The following ANKRD6 variants were observed in gnomAD, a reference collection of about 807,000 sequenced individuals.
The protein encoded by ANKRD6 is ankyrin repeat domain-containing protein 6.
A neutral mutation model predicts 82.3 loss-of-function variants in ANKRD6; 56 were observed. The observed-to-expected ratio is 0.68, with a 90% confidence interval of 0.55 to 0.85. The LOEUF is 0.85. Ranked by LOEUF, ANKRD6 falls within the 40% of genes least tolerant of loss-of-function variation. ANKRD6 has a pLI of 0.00. For missense variants in ANKRD6, 852 were observed against 907.6 expected (o/e 0.94, Z 0.79); for synonymous variants, 347 against 352.1 (o/e 0.99, Z 0.16).
At chr6:89,511,564 A>C (rs1429841952) in intron 1 of ANKRD6, among the ~76,000 whole-genome samples, 2 of 152,174 alleles carry the variant, frequency 1.3e-5, no homozygotes, top group African/African-American at 4.8e-5. Context: ...GAGTTACTAA[A>C]CCTTTTTGAG....
rs936762439 is a variant in ANKRD6 at position 89,633,550 on chromosome 6, C to T, written c.*2546C>T. 2.6e-5 allele frequency: 4 copies of T among 152,124 alleles called. No homozygotes were observed. The highest frequency in any genetic ancestry group is 5.9e-5 in the Non-Finnish European group (4 of 68,026). 9.4% of individuals were successfully genotyped at this position (152,124 alleles called of 1,614,324 possible). A position where few individuals can be genotyped will look rare whatever the true frequency, so the allele number is the denominator to read the frequency against. On this transcript the variant is annotated 3_prime_UTR_variant, in exon 16 of 16. Coordinates refer to ENST00000339746, the MANE Select transcript of ANKRD6 (RefSeq NM_001242809.2). ...TGGGAAAAACTAAAACACAGAAATA[C>T]TGTACAGTATTAGTGTTTTTTTAAA...
rs188013561 is a variant in ANKRD6, at chr6:89,508,569, T to C, written c.-143-58265T>C. 5.0e-4 allele frequency among the ~76,000 whole-genome samples: 76 copies of C among 152,040 alleles called. 2 individuals are homozygous for C. The Middle Eastern group carries it at 0.01, about 20-fold the overall frequency. On this transcript the variant is annotated intron_variant, in intron 1 of 15. Transcript: ENST00000339746. Reference sequence around the variant, plus strand: ...TTTCCAGCAGAAAAGATAGATTACATTGGGGGAGGTGGCTTTAATGGCTCC... The same window carrying C: ...TTTCCAGCAGAAAAGATAGATTACACTGGGGGAGGTGGCTTTAATGGCTCC...
chr6:89,481,382 T>A (rs1479605490), intron 1 of ANKRD6, among the ~76,000 whole-genome samples: 1 of 152,144 alleles, frequency 6.6e-6, no homozygotes, highest in African/African-American at 2.4e-5. Flanking sequence ...AAGGAAATGC[T>A]TATTGGAGAA....
chr6:89,535,329 C>T (rs938091261), intron 1 of ANKRD6, among the ~76,000 whole-genome samples: 13 of 151,284 alleles, frequency 8.6e-5, no homozygotes, highest in Non-Finnish European at 1.8e-4. Context: ...AATTAGCCAT[C>T]CTGGGGGGAA....
intron 10 of ANKRD6, among the ~76,000 whole-genome samples, chr6:89,622,305 A>G (rs544611022): frequency 2.0e-4 from 30 of 152,310 alleles, no homozygotes; most frequent in African/African-American, 7.2e-4. Flanking sequence ...GCCTTTGCCC[A>G]TGTCCTGCGG....
intron 1 of ANKRD6, among the ~76,000 whole-genome samples, chr6:89,447,652 C>G (rs1386688110): frequency 6.6e-6 from 1 of 152,180 alleles, no homozygotes; most frequent in East Asian, 1.9e-4. Flanking sequence ...ATGAAACAGC[C>G]TTCTACTGGA....
In ANKRD6 at chr6:89,596,590, T is replaced by G. The variant is rs375661599; in HGVS notation, c.219+576T>G. Among the ~76,000 whole-genome samples the G allele has an allele frequency of 1.7e-4, 26 of 152,300 alleles. 1 individual carries two copies. In the South Asian group the frequency reaches 4.1e-3, roughly 24 times the overall value. ...AGTTTACTCTGCCACCATGCTATTA[T>G]TGAGACATGGCCATCAACCAACTCA... On this transcript the variant is annotated intron_variant, in intron 3 of 15. Coordinates refer to ENST00000339746, the MANE Select transcript of ANKRD6 (RefSeq NM_001242809.2).
chr6:89,619,201 GT>G (rs1224418138), intron 9 of ANKRD6, among the ~76,000 whole-genome samples: 3 of 152,194 alleles, frequency 2.0e-5, no homozygotes, highest in African/African-American at 7.2e-5. Flanking sequence ...AAGAAAGTCA[GT>G]AGGAAAAGCT....
At chr6:89,529,353 C>T (rs913690328) in intron 1 of ANKRD6, among the ~76,000 whole-genome samples, 3 of 152,240 alleles carry the variant, frequency 2.0e-5, no homozygotes, top group Non-Finnish European at 4.4e-5. Context: ...CATGAACCAA[C>T]CTCTGCTAGC....
intron 1 of ANKRD6, among the ~76,000 whole-genome samples, chr6:89,515,012 C>G (rs1781038750): frequency 6.6e-6 from 1 of 152,188 alleles, no homozygotes; most frequent in African/African-American, 2.4e-5. Flanking sequence ...CCTTTTCAAA[C>G]TCTGGAGCAT....
chr6:89,616,575 T>C lies in ANKRD6; in HGVS notation c.632T>C (p.Leu211Pro). The C allele has an allele frequency of 1.9e-6, 3 of 1,614,046 alleles. No homozygotes were observed. Among genetic ancestry groups the C allele is most frequent in the Non-Finnish European group, 2.5e-6 (3 of 1,179,898 alleles). The change falls in exon 8 of 16, where the codon CTT (leucine) becomes CCT (proline). Residue 211 changes from leucine (L) to proline (P), a missense_variant. Coordinates refer to ENST00000339746, the MANE Select transcript of ANKRD6 (RefSeq NM_001242809.2). The stretch of plus-strand genomic sequence containing the variant: ...CAATTCCAGGCTGGAGACACAGCAC[T>C]TCACGTTGCTGCTGCCCTAAATCAC... ...HEKNQAGDTALHVAAALNHKK... is the reference protein window; with the variant it reads ...HEKNQAGDTAPHVAAALNHKK...
intron 1 of ANKRD6, among the ~76,000 whole-genome samples, chr6:89,449,179 A>G (rs141781448): frequency 2.6e-5 from 4 of 152,346 alleles, no homozygotes; most frequent in Non-Finnish European, 4.4e-5. Context: ...TTCATGATTC[A>G]TGAGAGGAGG....
At chr6:89,599,645 G>C (rs1288706216) in intron 3 of ANKRD6, among the ~76,000 whole-genome samples, 1 of 81,530 alleles carries the variant, frequency 1.2e-5, no homozygotes, top group Admixed American at 1.3e-4. Context: ...AGGGCCTCAA[G>C]GTACTAAATT....
intron 2 of ANKRD6, among the ~76,000 whole-genome samples, chr6:89,577,845 C>T (rs1179528883): frequency 6.6e-6 from 1 of 152,132 alleles, no homozygotes; most frequent in Non-Finnish European, 1.5e-5. Flanking sequence ...AATGCTGGTC[C>T]TTGGAATGTT....
intron 5 of ANKRD6, among the ~76,000 whole-genome samples, chr6:89,608,368 C>CTATATATATATATATATATATA (rs1554260576): frequency 3.1e-5 from 4 of 130,672 alleles, no homozygotes; most frequent in Middle Eastern, 3.8e-3. Flanking sequence ...CACACACACA[C>CTATATATATATATATATATATA]TATATATATA....
intron 1 of ANKRD6, among the ~76,000 whole-genome samples, chr6:89,531,664 A>G (rs1783160160): frequency 6.6e-6 from 1 of 152,186 alleles, no homozygotes; most frequent in Non-Finnish European, 1.5e-5. Flanking sequence ...CCTGGGGTTC[A>G]CTATTGCCCT....
intron 2 of ANKRD6, among the ~76,000 whole-genome samples, chr6:89,580,079 G>T (rs527812804): frequency 1.3e-5 from 2 of 152,306 alleles, no homozygotes; most frequent in African/African-American, 4.8e-5. Context: ...GGAATTTTGG[G>T]TGGGGGTGAT....
chr6:89,463,453 T>G (rs2127775224), intron 1 of ANKRD6, among the ~76,000 whole-genome samples: 1 of 152,302 alleles, frequency 6.6e-6, no homozygotes, highest in Middle Eastern at 3.4e-3. Flanking sequence ...TACCAAAAAT[T>G]AAAGTACTGG....
At chr6:89,616,374 C>T (rs533643542) in intron 7 of ANKRD6, 185 bp from the exon 8 acceptor site, 17 of 589,390 alleles carry the variant, frequency 2.9e-5, no homozygotes, top group East Asian at 5.6e-5. Flanking sequence ...ATATTGGTGC[C>T]GAGGTCACTT....
Sources: allele counts gnomAD v4.1 joint callset (sites outside exome capture counted in the v4.1 genomes callset), GRCh38; gene constraint gnomAD v4.1.1; transcripts MANE v1.5; gene names NCBI Gene and HGNC (gene_info 2026-07-23, HGNC 2026-07-21).